SAMD3: variants seen among roughly 807,000 people sequenced by gnomAD.
SAMD3 encodes the protein sterile alpha motif domain-containing protein 3.
SAMD3 carries 63 observed loss-of-function variants against 58.5 expected under a neutral mutation model. That is an observed-to-expected ratio of 1.08 (90% confidence interval 0.88 to 1.33). The LOEUF is 1.33. SAMD3 is among the 40% of genes most tolerant of loss of function. The pLI is 0.00. For missense variants in SAMD3, 604 were observed against 608.4 expected (o/e 0.99, Z 0.08); for synonymous variants, 220 against 210.3 (o/e 1.05, Z -0.40).
intron 1 of SAMD3, among the ~76,000 whole-genome samples, chr6:130,348,144 C>T (rs904179346): frequency 7.2e-5 from 11 of 152,070 alleles, no homozygotes; most frequent in East Asian, 5.8e-4. Context: ...TAAAGAACAT[C>T]GAGGCTAGGA....
chr6:130,178,106 C>T (rs546701429), intron 7 of SAMD3, among the ~76,000 whole-genome samples: 2 of 152,230 alleles, frequency 1.3e-5, no homozygotes, highest in East Asian at 3.9e-4. Context: ...TCCTGAGTAG[C>T]TGGGATTACA....
At chr6:130,165,726 T>G (rs1790682102) in intron 8 of SAMD3, among the ~76,000 whole-genome samples, 1 of 152,124 alleles carries the variant, frequency 6.6e-6, no homozygotes, top group Non-Finnish European at 1.5e-5. Context: ...CTCTACCGGC[T>G]GAAAGAAACT....
intron 1 of SAMD3, among the ~76,000 whole-genome samples, chr6:130,356,718 T>G (rs1029249599): frequency 1.3e-5 from 2 of 152,218 alleles, no homozygotes; most frequent in African/African-American, 4.8e-5. Context: ...GTTTTCCTTT[T>G]TTCTCTGAGG....
intron 7 of SAMD3, among the ~76,000 whole-genome samples, chr6:130,180,964 T>TTTTTTTTTTTTTTTG (rs1792269394): frequency 6.8e-6 from 1 of 147,160 alleles, no homozygotes; most frequent in African/African-American, 2.5e-5. Context: ...TTTTTTCTTT[T>TTTTTTTTTTTTTTTG]GAGACGGAGT....
At chr6:130,347,399 A>C (rs1777489835) in intron 1 of SAMD3, among the ~76,000 whole-genome samples, 2 of 152,258 alleles carry the variant, frequency 1.3e-5, no homozygotes, top group Non-Finnish European at 2.9e-5. Context: ...GATGGAGCTG[A>C]AAACAATGGC....
At chr6:130,362,015 G>A (rs118145296) in intron 1 of SAMD3, among the ~76,000 whole-genome samples, 2,171 of 152,282 alleles carry the variant, frequency 0.014, 16 homozygotes, top group Non-Finnish European at 0.021. Flanking sequence ...ATTTTAGCCC[G>A]GCTGTTCGGG....
At chr6:130,238,394 C>A (rs754517981) in intron 2 of SAMD3, among the ~76,000 whole-genome samples, 6 of 151,918 alleles carry the variant, frequency 3.9e-5, no homozygotes, top group Non-Finnish European at 8.8e-5. Flanking sequence ...ATTTGGAAAT[C>A]AAAAATAATT....
chr6:130,279,352 C>T (rs1284676415), intron 2 of SAMD3, among the ~76,000 whole-genome samples: 2 of 152,106 alleles, frequency 1.3e-5, no homozygotes, highest in African/African-American at 2.4e-5. Context: ...GAGGTCTGAT[C>T]GTTTTATAAG....
intron 4 of SAMD3, among the ~76,000 whole-genome samples, chr6:130,210,810 G>A (rs1050046957): frequency 2.0e-5 from 3 of 151,738 alleles, no homozygotes; most frequent in Non-Finnish European, 4.4e-5. Flanking sequence ...CATCAACACA[G>A]ACCTTAAGTC....
At chr6:130,182,262 GT>G (rs1792423416) in intron 7 of SAMD3, among the ~76,000 whole-genome samples, 1 of 33,712 alleles carries the variant, frequency 3.0e-5, no homozygotes, top group Admixed American at 2.1e-4. Flanking sequence ...CCTTCGCTTT[GT>G]TTTGTTTTTT....
intron 2 of SAMD3, among the ~76,000 whole-genome samples, chr6:130,292,763 C>T (rs565367726): frequency 1.1e-3 from 164 of 152,110 alleles, no homozygotes; most frequent in African/African-American, 3.6e-3. Context: ...GGACTACAGG[C>T]GCCCGTCACC....
At chr6:130,335,715 G>A (rs1033789638) in intron 1 of SAMD3, among the ~76,000 whole-genome samples, 2 of 152,088 alleles carry the variant, frequency 1.3e-5, no homozygotes, top group Admixed American at 6.6e-5. Context: ...ACATGCACAC[G>A]TATGTTTATT....
At chr6:130,356,257 G>C (rs745426341) in intron 1 of SAMD3, among the ~76,000 whole-genome samples, 15 of 152,206 alleles carry the variant, frequency 9.9e-5, no homozygotes, top group Non-Finnish European at 1.8e-4. Context: ...TCAGCTGGAA[G>C]GGCCGTCTGG....
intron 5 of SAMD3, 27 bp from the exon 6 acceptor site, chr6:130,184,650 G>A (rs1792757831): frequency 1.3e-6 from 2 of 1,569,476 alleles, no homozygotes; most frequent in Non-Finnish European, 1.7e-6. Flanking sequence ...CACAAAGAAT[G>A]AAATTCTATT....
intron 4 of SAMD3, among the ~76,000 whole-genome samples, chr6:130,211,586 C>T (rs1002425973): frequency 1.3e-5 from 2 of 151,982 alleles, no homozygotes; most frequent in Non-Finnish European, 2.9e-5. Flanking sequence ...GCCGAGCTGC[C>T]AATCAGAAAA....
chr6:130,190,136 AC>A (rs148212966), intron 5 of SAMD3, among the ~76,000 whole-genome samples: 56,864 of 151,772 alleles, frequency 0.37, 11,314 homozygotes, highest in African/African-American at 0.47. Flanking sequence ...GCATAACTGG[AC>A]TAAAGATAAA....
At chr6:130,319,326 A>G (rs1490819417) in intron 1 of SAMD3, among the ~76,000 whole-genome samples, 1 of 152,210 alleles carries the variant, frequency 6.6e-6, no homozygotes, top group African/African-American at 2.4e-5. Flanking sequence ...ACATGAAGAA[A>G]AGTATGCAAA....
In SAMD3 at chr6:130,364,902, T is replaced by C. The variant is rs1474896829; in HGVS notation, c.-304+218A>G. On this transcript the variant is annotated intron_variant, in intron 1 of 13. Coordinates refer to the SAMD3 transcript ENST00000368134. ...TCTCCCCCACCCCCCAAACACGGAT[T>C]TTATACCCCCCCAGAAGCAAACTTT... Among the ~76,000 whole-genome samples the C allele has an allele frequency of 2.7e-5, 3 of 111,384 alleles. No homozygotes were observed. In the South Asian group the frequency reaches 1.0e-3, roughly 39 times the overall value. 73.1% of individuals were successfully genotyped at this position (111,384 alleles called of 152,430 possible). A position where few individuals can be genotyped will look rare whatever the true frequency, so the allele number is the denominator to read the frequency against.
chr6:130,293,527 G>A (rs553899602), intron 2 of SAMD3, among the ~76,000 whole-genome samples: 137 of 151,686 alleles, frequency 9.0e-4, no homozygotes, highest in Non-Finnish European at 1.6e-3. Flanking sequence ...TTGTGACCAT[G>A]TTTTTTTGTG....
Sources: gnomAD v4.1 joint callset for allele counts (sites outside exome capture counted in the v4.1 genomes callset) on GRCh38, gnomAD v4.1.1 for gene constraint, MANE v1.5 for transcripts, NCBI Gene and HGNC (gene_info 2026-07-23, HGNC 2026-07-21) for gene names.